The following F2R variants were observed in gnomAD, a reference collection of about 807,000 sequenced individuals.
The protein encoded by F2R is proteinase-activated receptor 1.
A neutral mutation model predicts 18.3 loss-of-function variants in F2R; 12 were observed. The ratio of observed to expected loss-of-function variants is 0.66; its 90% CI spans 0.42 to 1.06. The LOEUF (loss-of-function observed/expected upper bound fraction) is 1.06, where lower values mean the gene tolerates loss of function less well. F2R is among the 50% of genes least tolerant of loss of function. The probability of loss-of-function intolerance (pLI) is 0.00; values close to 1 mark genes in which losing one functional copy is unlikely to be tolerated. For synonymous variants in F2R, 210 were observed against 219.9 expected (o/e 0.95, Z 0.40); for missense variants, 438 against 530.8 (o/e 0.83, Z 1.72).
chr5:76,727,198 A>C (rs1748576526), intron 1 of F2R, among the ~76,000 whole-genome samples: 1 of 152,218 alleles, frequency 6.6e-6, no homozygotes, highest in South Asian at 2.1e-4. Flanking sequence ...GATAATAGTA[A>C]TTTCTTAAAC....
Position 76,735,060 on chromosome 5 carries a change from T to G in F2R, c.*1557T>G, listed in dbSNP as rs1197010291. ...ATTTTTTAACCTCCTAAGTATCAAG[T>G]ATAGAAAATCTTCATGGAATTCACA... On this transcript the variant is annotated 3_prime_UTR_variant, in exon 2 of 2. Coordinates refer to ENST00000319211, the MANE Select transcript of F2R (RefSeq NM_001992.5). 1 of 152,364 alleles carries G rather than the reference T, an allele frequency of 6.6e-6. No individual in the cohort carries two copies. 9.4% of individuals were successfully genotyped at this position (152,364 alleles called of 1,614,324 possible). A position where few individuals can be genotyped will look rare whatever the true frequency, so the allele number is the denominator to read the frequency against.
rs1478584521 is a variant in F2R, at chr5:76,734,541, G to A, written c.*1038G>A. 6.6e-6 allele frequency: 1 copy of A among 152,316 alleles called. No homozygotes were observed. Among genetic ancestry groups the A allele is most frequent in the Non-Finnish European group, 1.5e-5 (1 of 68,046 alleles). 9.4% of individuals were successfully genotyped at this position (152,316 alleles called of 1,614,324 possible). On this transcript the variant is annotated 3_prime_UTR_variant, in exon 2 of 2. Transcript: ENST00000319211. ...ACAACGAAAGAAGGCATGGACTTCT[G>A]GATGCCCATCCACTGGGTGTAAACA...
intron 1 of F2R, among the ~76,000 whole-genome samples, chr5:76,729,558 CATT>C (rs1187256633): frequency 1.3e-5 from 2 of 152,170 alleles, no homozygotes; most frequent in African/African-American, 4.8e-5. Flanking sequence ...CTTTTATGGT[CATT>C]ATAAAAAATT....
intron 1 of F2R, among the ~76,000 whole-genome samples, chr5:76,726,283 G>C (rs1435040708): frequency 6.6e-6 from 1 of 152,152 alleles, no homozygotes; most frequent in Admixed American, 6.5e-5. Flanking sequence ...TGTAATCCTA[G>C]CACTTTGGGA....
intron 1 of F2R, among the ~76,000 whole-genome samples, chr5:76,718,490 C>T (rs1748384346): frequency 6.6e-6 from 1 of 152,208 alleles, no homozygotes. Context: ...CCAAGAGGGG[C>T]GGTGAAGCCC....
chr5:76,716,166 C>G lies in F2R; in HGVS notation c.-142C>G, dbSNP rs1373700449. On this transcript the variant is annotated 5_prime_UTR_variant, in exon 1 of 2. Coordinates refer to ENST00000319211, the MANE Select transcript of F2R (RefSeq NM_001992.5). ...AGCGCTCGCCGAGGGTCGCTTGGAC[C>G]CTGATCTTACCCGTGGGCACCCTGC... 1.7e-6 allele frequency: 1 copy of G among 573,890 alleles called. No homozygotes were observed. 35.5% of individuals were successfully genotyped at this position (573,890 alleles called of 1,614,324 possible).
Position 76,716,399 on chromosome 5 carries a change from A to G in F2R, c.88+4A>G. On this transcript the variant is annotated splice_donor_region_variant and intron_variant, in intron 1 of 1. Coordinates refer to ENST00000319211, the MANE Select transcript of F2R (RefSeq NM_001992.5). ...CGCACCCGGGCCCGCAGGCCAGGTG[A>G]GAGATGCACGGGAATGGGGTGCGCG... 6.9e-7 allele frequency: 1 copy of G among 1,441,694 alleles called. No individual in the cohort carries two copies. The highest frequency in any genetic ancestry group is 9.1e-7 in the Non-Finnish European group (1 of 1,100,226). The allele number at this position is 1,441,694 out of a possible 1,614,324, so 89.3% of individuals were successfully genotyped here. A position where few individuals can be genotyped will look rare whatever the true frequency, so the allele number is the denominator to read the frequency against.
intron 1 of F2R, among the ~76,000 whole-genome samples, chr5:76,718,701 A>G (rs1748387040): frequency 6.6e-6 from 1 of 152,258 alleles, no homozygotes; most frequent in African/African-American, 2.4e-5. Context: ...AAATGTGTAA[A>G]TTCATCAACC....
At chr5:76,732,190 T>G in intron 1 of F2R, 124 bp from the exon 2 acceptor site, 1 of 703,676 alleles carries the variant, frequency 1.4e-6, no homozygotes, top group Non-Finnish European at 2.3e-6. Flanking sequence ...TTATCTGCTC[T>G]TTACCACCCA....
rs1455902634 is a variant in F2R, at chr5:76,732,518, G to A, written c.293G>A (p.Ser98Asn). The A allele has an allele frequency of 6.2e-7, 1 of 1,614,150 alleles. No individual in the cohort carries two copies. Among genetic ancestry groups the A allele is most frequent in the Admixed American group, 1.7e-5 (1 of 60,016 alleles). The change falls in exon 2 of 2, where the codon AGC (serine) becomes AAC (asparagine). Residue 98 changes from serine (S) to asparagine (N), a missense_variant. Transcript: ENST00000319211. ...ISEDASGYLT[S>N]SWLTLFVPSV... ...GAAGATGCCTCCGGATATTTGACCA[G>A]CTCCTGGCTGACACTCTTTGTCCCA...
chr5:76,720,129 T>TC (rs1748419626), intron 1 of F2R, among the ~76,000 whole-genome samples: 1 of 152,178 alleles, frequency 6.6e-6, no homozygotes, highest in Non-Finnish European at 1.5e-5. Context: ...GGCTTTGCCT[T>TC]TATTTTTATA....
Position 76,716,460 on chromosome 5 carries a change from C to T in F2R, c.88+65C>T, listed in dbSNP as rs543726669. 4.7e-6 allele frequency: 6 copies of T among 1,272,954 alleles called. No individual in the cohort carries two copies. In the South Asian group the frequency reaches 8.5e-5, roughly 18 times the overall value. 78.9% of individuals were successfully genotyped at this position (1,272,954 alleles called of 1,614,324 possible). A position where few individuals can be genotyped will look rare whatever the true frequency, so the allele number is the denominator to read the frequency against. Reference sequence around the variant, plus strand: ...CGCCGAGGGGAGACTGCGGGGGTCACTGTTGCGCCTTCTCCTCACCCCTGC... The same window carrying T: ...CGCCGAGGGGAGACTGCGGGGGTCATTGTTGCGCCTTCTCCTCACCCCTGC... On this transcript the variant is annotated intron_variant, in intron 1 of 1. Coordinates refer to ENST00000319211, the MANE Select transcript of F2R (RefSeq NM_001992.5).
chr5:76,732,833 C>T lies in F2R; in HGVS notation c.608C>T (p.Ala203Val). The change falls in exon 2 of 2, where the codon GCT becomes GTT. Residue 203 changes from alanine to valine, a missense_variant. Coordinates refer to ENST00000319211, the MANE Select transcript of F2R (RefSeq NM_001992.5). Reference protein sequence around the residue: ...MTVISIDRFLAVVYPMQSLSW... With the variant: ...MTVISIDRFLVVVYPMQSLSW... ...GTCATAAGCATTGACCGGTTTCTGG[C>T]TGTGGTGTATCCCATGCAGTCCCTC... 1 of 1,614,200 alleles carries T rather than the reference C, an allele frequency of 6.2e-7. No individual in the cohort carries two copies. Among genetic ancestry groups the T allele is most frequent in the Non-Finnish European group, 8.5e-7 (1 of 1,180,052 alleles).
At chr5:76,731,039 C>T (rs892993938) in intron 1 of F2R, among the ~76,000 whole-genome samples, 5 of 152,140 alleles carry the variant, frequency 3.3e-5, no homozygotes, top group African/African-American at 1.2e-4. Flanking sequence ...GTTGATACTC[C>T]AAAAACCTTG....
chr5:76,716,151 G>A lies in F2R; in HGVS notation c.-157G>A. 2.2e-6 allele frequency: 1 copy of A among 452,266 alleles called. No individual in the cohort carries two copies. Among genetic ancestry groups the A allele is most frequent in the Non-Finnish European group, 3.6e-6 (1 of 278,252 alleles). The allele number at this position is 452,266 out of a possible 1,614,324, so 28.0% of individuals were successfully genotyped here. A position where few individuals can be genotyped will look rare whatever the true frequency, so the allele number is the denominator to read the frequency against. On this transcript the variant is annotated 5_prime_UTR_variant, in exon 1 of 2. Transcript: ENST00000319211. ...AACCGCCCCAGACACAGCGCTCGCC[G>A]AGGGTCGCTTGGACCCTGATCTTAC...
rs577000097 is a variant in F2R at position 76,735,686 on chromosome 5, G to T, written c.*2183G>T. The T allele has an allele frequency of 6.6e-6, 1 of 152,054 alleles. No homozygotes were observed. Among genetic ancestry groups the T allele is most frequent in the Admixed American group, 6.6e-5 (1 of 15,266 alleles). The allele number at this position is 152,054 out of a possible 1,614,324, so 9.4% of individuals were successfully genotyped here. A position where few individuals can be genotyped will look rare whatever the true frequency, so the allele number is the denominator to read the frequency against. On this transcript the variant is annotated 3_prime_UTR_variant, in exon 2 of 2. Transcript: ENST00000319211. ...TATATTAAAATATGATATCATTAAT[G>T]TACTTACAAAATAGTATGTCACTGT...
intron 1 of F2R, among the ~76,000 whole-genome samples, chr5:76,719,365 G>A (rs908850501): frequency 6.6e-6 from 1 of 152,160 alleles, no homozygotes; most frequent in African/African-American, 2.4e-5. Flanking sequence ...CAAAGCAGGG[G>A]GATCACTTGA....
chr5:76,723,106 G>A (rs924059647), intron 1 of F2R, among the ~76,000 whole-genome samples: 1 of 152,128 alleles, frequency 6.6e-6, no homozygotes, highest in Non-Finnish European at 1.5e-5. Flanking sequence ...TCTCTCTCCT[G>A]TGTGTAAGGA....
At chr5:76,727,381 T>C (rs1164648283) in intron 1 of F2R, among the ~76,000 whole-genome samples, 3 of 152,232 alleles carry the variant, frequency 2.0e-5, no homozygotes, top group Non-Finnish European at 4.4e-5. Flanking sequence ...TACAAATATG[T>C]GCCTACCACA....
Sources: allele counts gnomAD v4.1 joint callset (sites outside exome capture counted in the v4.1 genomes callset), GRCh38; gene constraint gnomAD v4.1.1; transcripts MANE v1.5; gene names NCBI Gene and HGNC (gene_info 2026-07-23, HGNC 2026-07-21).